Variants in PDE1C observed in about 807,000 individuals in gnomAD.
The protein encoded by PDE1C is phosphodiesterase 1C.
In PDE1C, 62 loss-of-function variants were observed where a neutral mutation model predicts 93.1. The observed-to-expected ratio is 0.67, with a 90% CI of 0.54 to 0.82. The LOEUF is 0.82. Ranked by LOEUF, PDE1C falls within the 40% of genes least tolerant of loss-of-function variation. The probability of loss-of-function intolerance (pLI) is 0.00; values close to 1 mark genes in which losing one functional copy is unlikely to be tolerated. For synonymous variants in PDE1C, 325 were observed against 310.1 expected (o/e 1.05, Z -0.50); for missense variants, 742 against 884.6 (o/e 0.84, Z 2.04).
chr7:31,700,198 G>A, the PDE1C span, among the ~76,000 whole-genome samples: 1 of 152,298 alleles, frequency 6.6e-6, no homozygotes, highest in South Asian at 2.1e-4. Context: ...GGTTGTGAAT[G>A]CAAAGGAAAA....
intron 17 of PDE1C, among the ~76,000 whole-genome samples, chr7:31,774,586 G>C (rs542078827): frequency 1.3e-5 from 2 of 152,202 alleles, no homozygotes; most frequent in African/African-American, 4.8e-5. Flanking sequence ...AAGAATGTAA[G>C]GTCACTTATA....
intron 2 of PDE1C, among the ~76,000 whole-genome samples, chr7:32,175,820 T>A (rs868474347): frequency 1.3e-5 from 2 of 152,232 alleles, no homozygotes; most frequent in African/African-American, 4.8e-5. Flanking sequence ...TACTTTACAA[T>A]ACTGTAAATT....
intron 1 of PDE1C, among the ~76,000 whole-genome samples, chr7:32,335,979 C>T (rs1386284003): frequency 1.3e-5 from 2 of 152,046 alleles, no homozygotes; most frequent in South Asian, 2.1e-4. Context: ...CATGAGTCAC[C>T]ACACCTGGCC....
chr7:32,245,596 C>A (rs2128872049), intron 1 of PDE1C, among the ~76,000 whole-genome samples: 1 of 152,272 alleles, frequency 6.6e-6, no homozygotes, highest in South Asian at 2.1e-4. Context: ...GTTTATGGCC[C>A]TATGTTTTCT....
At chr7:31,725,185 C>G in the PDE1C span, among the ~76,000 whole-genome samples, 1 of 152,100 alleles carries the variant, frequency 6.6e-6, no homozygotes, top group Admixed American at 6.5e-5. Context: ...ATCCATCTCT[C>G]CAGGACCACA....
chr7:32,135,048 C>G (rs945542460), intron 3 of PDE1C, among the ~76,000 whole-genome samples: 5 of 152,104 alleles, frequency 3.3e-5, no homozygotes, highest in Admixed American at 6.6e-5. Flanking sequence ...CAAGAGCAAT[C>G]CCAGTGAAAG....
intron 3 of PDE1C, among the ~76,000 whole-genome samples, chr7:32,112,836 G>GTATATATATATATA (rs1798735523): frequency 1.7e-5 from 1 of 57,716 alleles, no homozygotes; most frequent in African/African-American, 9.3e-5. Context: ...GTGTGTGTGT[G>GTATATATATATATA]TGTGTGTGTG....
intron 1 of PDE1C, among the ~76,000 whole-genome samples, chr7:32,317,657 C>A (rs1393700420): frequency 6.6e-6 from 1 of 152,020 alleles, no homozygotes; most frequent in East Asian, 1.9e-4. Context: ...CTACCCATAG[C>A]CATGTTAACG....
At chr7:32,092,747 CA>C in intron 3 of PDE1C, among the ~76,000 whole-genome samples, 1 of 152,284 alleles carries the variant, frequency 6.6e-6, no homozygotes, top group Non-Finnish European at 1.5e-5. Flanking sequence ...CAAGATGGCA[CA>C]AAAACTATAG....
chr7:31,807,130 T>C (rs1274111754), intron 16 of PDE1C, among the ~76,000 whole-genome samples: 1 of 151,960 alleles, frequency 6.6e-6, no homozygotes. Flanking sequence ...AAAGCAGTAA[T>C]GATGTCATAT....
At chr7:31,707,439 A>G in the PDE1C span, 3 of 605,362 alleles carry the variant, frequency 5.0e-6, no homozygotes, top group South Asian at 6.7e-5. Context: ...TCAAATTGCC[A>G]GTCACCTCTT....
intron 17 of PDE1C, among the ~76,000 whole-genome samples, chr7:31,773,269 C>G (rs1795618558): frequency 6.6e-6 from 1 of 152,058 alleles, no homozygotes; most frequent in Admixed American, 6.5e-5. Flanking sequence ...GAATGCAGAG[C>G]CTAAGACACT....
the PDE1C span, among the ~76,000 whole-genome samples, chr7:31,698,566 AAGG>A: frequency 1.3e-5 from 2 of 152,314 alleles, no homozygotes; most frequent in East Asian, 1.9e-4. Context: ...CTAAAAGTAC[AAGG>A]AGTTTAGGAC....
intron 1 of PDE1C, among the ~76,000 whole-genome samples, chr7:32,370,806 AAATAAAT>A (rs1784319534): frequency 6.6e-6 from 1 of 151,920 alleles, no homozygotes; most frequent in Admixed American, 6.6e-5. Flanking sequence ...ATAAATAAAT[AAATAAAT>A]AAGAATATCT....
At position 32,316,977 on chromosome 7, in the gene PDE1C, C is replaced by G. The variant is rs562515417; in HGVS notation, c.311-107438G>C. ...TCACCTCTTGACTTAATTTATTCTCCCTCTAGTTTTGAAGCCCTCCTCCAA... is the reference window on the plus strand; with the variant it reads ...TCACCTCTTGACTTAATTTATTCTCGCTCTAGTTTTGAAGCCCTCCTCCAA... On this transcript the variant is annotated intron_variant, in intron 1 of 1. Coordinates refer to the PDE1C transcript ENST00000672256. Among the ~76,000 whole-genome samples the G allele has an allele frequency of 1.4e-3, 209 of 152,204 alleles. 1 individual carries two copies. The highest frequency in any genetic ancestry group is 2.5e-3 in the Non-Finnish European group (170 of 68,030).
intron 2 of PDE1C, among the ~76,000 whole-genome samples, chr7:31,908,727 C>T (rs573929172): frequency 3.3e-5 from 5 of 152,224 alleles, no homozygotes; most frequent in South Asian, 2.1e-4. Flanking sequence ...TGATGGCACT[C>T]GACTCAAACA....
chr7:31,798,755 C>T (rs1785620415), intron 16 of PDE1C, among the ~76,000 whole-genome samples: 1 of 151,682 alleles, frequency 6.6e-6, no homozygotes, highest in Admixed American at 6.6e-5. Flanking sequence ...GTGCTGAAGA[C>T]AAGTAAGTGT....
chr7:31,863,933 T>C (rs1365824413), intron 7 of PDE1C, among the ~76,000 whole-genome samples: 1 of 152,154 alleles, frequency 6.6e-6, no homozygotes, highest in East Asian at 1.9e-4. Context: ...ATTCCATTTT[T>C]AATTCAGTGA....
chr7:31,710,008 GA>G, the PDE1C span, among the ~76,000 whole-genome samples: 5 of 152,170 alleles, frequency 3.3e-5, no homozygotes, highest in Admixed American at 3.3e-4. Flanking sequence ...AAATAAGCTG[GA>G]CATGGTGGTG....
Sources: allele counts gnomAD v4.1 joint callset (sites outside exome capture counted in the v4.1 genomes callset), GRCh38; gene constraint gnomAD v4.1.1; transcripts MANE v1.5; gene names NCBI Gene and HGNC (gene_info 2026-07-23, HGNC 2026-07-21).